NAALADL2: variants seen among roughly 807,000 people sequenced by gnomAD.
The protein encoded by NAALADL2 is N-acetylated alpha-linked acidic dipeptidase like 2, also known as inactive N-acetylated-alpha-linked acidic dipeptidase-like protein 2.
In NAALADL2, 76 loss-of-function variants were observed where a neutral mutation model predicts 87.2. The ratio of observed to expected loss-of-function variants is 0.87; its 90% CI spans 0.72 to 1.05. NAALADL2 has a LOEUF of 1.05. Among genes scored for constraint, NAALADL2 ranks in the 50% least tolerant of loss-of-function variants. The pLI is 0.00. For missense variants in NAALADL2, 1,089 were observed against 945.8 expected, an observed-to-expected ratio of 1.15 and a Z score of -1.99; for synonymous variants, 354 against 331.0, an observed-to-expected ratio of 1.07 and a Z score of -0.75.
chr3:175,659,170 T>C (rs908758586), intron 11 of NAALADL2, among the ~76,000 whole-genome samples: 1 of 152,204 alleles, frequency 6.6e-6, no homozygotes, highest in African/African-American at 2.4e-5. Context: ...GCCTAACATA[T>C]AGCAAAAACT....
At chr3:174,532,252 G>A (rs2108443315) in intron 1 of NAALADL2, among the ~76,000 whole-genome samples, 1 of 152,236 alleles carries the variant, frequency 6.6e-6, no homozygotes, top group African/African-American at 2.4e-5. Flanking sequence ...AGACAGACAT[G>A]AGCACCTGTA....
chr3:175,033,076 G>T (rs1452014914), intron 1 of NAALADL2, among the ~76,000 whole-genome samples: 1 of 151,812 alleles, frequency 6.6e-6, no homozygotes, highest in African/African-American at 2.4e-5. Context: ...CACATCTTTT[G>T]TTCCTCAAAG....
At chr3:174,514,275 G>A (rs1435941935) in intron 1 of NAALADL2, among the ~76,000 whole-genome samples, 3 of 152,054 alleles carry the variant, frequency 2.0e-5, no homozygotes, top group African/African-American at 7.2e-5. Context: ...AGCTTTAACG[G>A]CTGTGGTCGC....
chr3:174,979,780 A>G (rs1472915853), intron 1 of NAALADL2, among the ~76,000 whole-genome samples: 1 of 152,200 alleles, frequency 6.6e-6, no homozygotes, highest in Non-Finnish European at 1.5e-5. Flanking sequence ...AATTTTGTCA[A>G]AAATGCTTCT....
intron 6 of NAALADL2, among the ~76,000 whole-genome samples, chr3:175,456,706 G>A (rs1400984105): frequency 2.0e-5 from 3 of 152,032 alleles, no homozygotes; most frequent in Non-Finnish European, 4.4e-5. Context: ...CACAGATGAT[G>A]CAACCATCAC....
At chr3:175,163,476 T>C (rs1164641104) in intron 2 of NAALADL2, among the ~76,000 whole-genome samples, 2 of 151,852 alleles carry the variant, frequency 1.3e-5, no homozygotes, top group African/African-American at 4.8e-5. Flanking sequence ...GAAATTGGTA[T>C]AGCCAAGCAG....
intron 1 of NAALADL2, chr3:175,059,495 A>C (rs1450462174): frequency 9.1e-6 from 2 of 219,030 alleles, no homozygotes; most frequent in Admixed American, 8.5e-5. Context: ...TACATATTCC[A>C]TCAGAACTAG....
intron 1 of NAALADL2, among the ~76,000 whole-genome samples, chr3:174,981,588 C>T (rs752590909): frequency 1.3e-5 from 2 of 152,078 alleles, no homozygotes; most frequent in Non-Finnish European, 2.9e-5. Flanking sequence ...ATAATGTTCT[C>T]TACATATATC....
intron 1 of NAALADL2, among the ~76,000 whole-genome samples, chr3:174,992,827 G>A (rs955486420): frequency 1.3e-5 from 2 of 152,112 alleles, no homozygotes; most frequent in African/African-American, 2.4e-5. Context: ...GTGCATCTAA[G>A]TATTACATTA....
intron 5 of NAALADL2, among the ~76,000 whole-genome samples, chr3:175,417,607 C>T (rs1714879274): frequency 6.6e-6 from 1 of 151,966 alleles, no homozygotes; most frequent in African/African-American, 2.4e-5. Context: ...CCAACATAAG[C>T]TTTATCTCAT....
intron 12 of NAALADL2, among the ~76,000 whole-genome samples, chr3:175,745,833 A>T (rs1313508691): frequency 2.6e-5 from 4 of 152,156 alleles, no homozygotes; most frequent in Non-Finnish European, 4.4e-5. Flanking sequence ...CACCTTACCC[A>T]CTTCTTAATG....
intron 3 of NAALADL2, among the ~76,000 whole-genome samples, chr3:175,236,473 C>T (rs1745886839): frequency 6.7e-6 from 1 of 148,952 alleles, no homozygotes; most frequent in Non-Finnish European, 1.5e-5. Flanking sequence ...CACTGGAGCC[C>T]AGGAGGGGAG....
chr3:175,395,848 T>G (rs1441627992), intron 5 of NAALADL2, among the ~76,000 whole-genome samples: 1 of 152,200 alleles, frequency 6.6e-6, no homozygotes, highest in African/African-American at 2.4e-5. Context: ...TTATATTTTA[T>G]GAGCAATGAA....
chr3:174,521,016 G>C (rs906579182), intron 1 of NAALADL2, among the ~76,000 whole-genome samples: 2 of 152,100 alleles, frequency 1.3e-5, no homozygotes, highest in Admixed American at 6.5e-5. Context: ...AAAAAAACAG[G>C]TGTTGGCAAG....
At chr3:174,555,608 A>C (rs924906756) in intron 2 of NAALADL2, among the ~76,000 whole-genome samples, 1 of 152,132 alleles carries the variant, frequency 6.6e-6, no homozygotes, top group African/African-American at 2.4e-5. Context: ...CCAAAAATTC[A>C]GTTTTTTGAA....
In NAALADL2 at chr3:175,206,280, GTGTGTGTA is replaced by G. The variant is rs1304917609; in HGVS notation, c.546-27647_546-27640del. Among the ~76,000 whole-genome samples the G allele has an allele frequency of 6.4e-4, 16 of 24,984 alleles. 2 individuals carry two copies. The highest frequency in any genetic ancestry group is 1.3e-3 in the Non-Finnish European group (14 of 10,768). 16.4% of individuals were successfully genotyped at this position (24,984 alleles called of 152,430 possible). On this transcript the variant is annotated intron_variant, in intron 2 of 13. Coordinates refer to ENST00000454872, the MANE Select transcript of NAALADL2 (RefSeq NM_207015.3). ...TATATATATTTTTTTTTTTCACTGT[GTGTGTGTA>G]TGTATGTGTATATATATATATATAC...
At chr3:175,341,313 G>C (rs1762546411) in intron 5 of NAALADL2, among the ~76,000 whole-genome samples, 1 of 152,094 alleles carries the variant, frequency 6.6e-6, no homozygotes, top group Non-Finnish European at 1.5e-5. Flanking sequence ...ATTCATTCAT[G>C]TTGTAGCAGG....
intron 5 of NAALADL2, among the ~76,000 whole-genome samples, chr3:175,384,206 T>C (rs1343278548): frequency 6.6e-6 from 1 of 152,060 alleles, no homozygotes; most frequent in African/African-American, 2.4e-5. Flanking sequence ...TGCATAATTC[T>C]TTTTAGTATA....
rs531877847 is a variant in NAALADL2 at position 175,608,122 on chromosome 3, T to C, written c.1801-19169T>C. Among the ~76,000 whole-genome samples, 26 of 151,436 alleles carry C rather than the reference T, an allele frequency of 1.7e-4. No individual in the cohort carries two copies. The South Asian group carries it at 4.0e-3, about 23-fold the overall frequency. ...CTCAAATATCATGTCCCACAGATGT[T>C]ATTATTAATTACTTATTTCCACTAA... On this transcript the variant is annotated intron_variant, in intron 10 of 13. Transcript: ENST00000454872.
Sources: allele counts gnomAD v4.1 joint callset (sites outside exome capture counted in the v4.1 genomes callset), GRCh38; gene constraint gnomAD v4.1.1; transcripts MANE v1.5; gene names NCBI Gene and HGNC (gene_info 2026-07-23, HGNC 2026-07-21).